Variants in RAD54L2 observed in about 807,000 individuals in gnomAD.
The protein encoded by RAD54L2 is RAD54 like 2.
Under a neutral mutation model 138.4 loss-of-function variants are expected in RAD54L2, and 27 were observed. That is an observed-to-expected ratio of 0.20 (90% confidence interval 0.14 to 0.27). The LOEUF (loss-of-function observed/expected upper bound fraction) is 0.27, where lower values mean the gene tolerates loss of function less well. Ranked by LOEUF, RAD54L2 falls within the 10% of genes least tolerant of loss-of-function variation. The pLI is 1.00. For synonymous variants in RAD54L2, 644 were observed against 723.2 expected (o/e 0.89, Z 1.76); for missense variants, 1,396 against 1,890.2 (o/e 0.74, Z 4.85).
chr3:51,587,470 A>G (rs1479196778), intron 2 of RAD54L2, among the ~76,000 whole-genome samples: 1 of 152,160 alleles, frequency 6.6e-6, no homozygotes, highest in African/African-American at 2.4e-5. Flanking sequence ...AGCATTAACT[A>G]TATGAATTTG....
chr3:51,616,014 A>G (rs1700434512), intron 3 of RAD54L2, among the ~76,000 whole-genome samples: 1 of 152,142 alleles, frequency 6.6e-6, no homozygotes, highest in Non-Finnish European at 1.5e-5. Flanking sequence ...ATTGATGCAT[A>G]ATATACATAT....
At chr3:51,594,302 A>G (rs1699908031) in intron 3 of RAD54L2, among the ~76,000 whole-genome samples, 1 of 151,802 alleles carries the variant, frequency 6.6e-6, no homozygotes, top group African/African-American at 2.4e-5. Flanking sequence ...CAAACTCCTG[A>G]CTTCAGGTGA....
chr3:51,663,295 C>A lies in RAD54L2; in HGVS notation c.4279C>A (p.Pro1427Thr). 2 of 1,613,922 alleles carry A rather than the reference C, an allele frequency of 1.2e-6. No individual in the cohort carries two copies. Among genetic ancestry groups the A allele is most frequent in the Non-Finnish European group, 8.5e-7 (1 of 1,179,882 alleles). ...PGYMSPHAGY[P>T]AGGLLRSQVP... ...CTACATGTCCCCACATGCAGGCTACCCAGCTGGTGGCCTCCTACGGTCCCA... is the reference window on the plus strand; with the variant it reads ...CTACATGTCCCCACATGCAGGCTACACAGCTGGTGGCCTCCTACGGTCCCA... The change falls in exon 23 of 23, where the codon CCA becomes ACA. Residue 1427 changes from proline to threonine, a missense_variant. Physicochemically the swap from Pro to Thr is conservative, Grantham distance 38. Coordinates refer to ENST00000684192, the MANE Select transcript of RAD54L2 (RefSeq NM_015106.4).
Position 51,627,687 on chromosome 3 carries a change from A to G in RAD54L2, c.274A>G (p.Asn92Asp). 6.2e-7 allele frequency: 1 copy of G among 1,613,364 alleles called. No homozygotes were observed. Among genetic ancestry groups the G allele is most frequent in the South Asian group, 1.1e-5 (1 of 90,874 alleles). The change falls in exon 4 of 23, where the codon AAC becomes GAC. Residue 92 changes from asparagine (N) to aspartate (D), a missense_variant. Around this residue, in one of 7 missense-constraint regions of RAD54L2, gnomAD observed 256 missense variants for 344.6 expected, o/e 0.74. Transcript: ENST00000684192. ...GCAGCTTAGGCGCCACCAAGGCAAG[A>G]ACCTAGCCTCCGAGGACCCCAAAAA... ...SEQLRRHQGK[N>D]LASEDPKKKR...
At chr3:51,556,454 C>A (rs1698968323) in intron 2 of RAD54L2, among the ~76,000 whole-genome samples, 1 of 152,054 alleles carries the variant, frequency 6.6e-6, no homozygotes, top group South Asian at 2.1e-4. Flanking sequence ...CCCTGTGTTG[C>A]CCAGGCTGGT....
At chr3:51,613,370 G>C (rs533072742) in intron 3 of RAD54L2, among the ~76,000 whole-genome samples, 1 of 152,310 alleles carries the variant, frequency 6.6e-6, no homozygotes, top group Non-Finnish European at 1.5e-5. Flanking sequence ...TGAGAACATG[G>C]TAATTCTTGC....
chr3:51,661,039 C>T (rs1055138899), intron 22 of RAD54L2, among the ~76,000 whole-genome samples: 6 of 151,980 alleles, frequency 3.9e-5, no homozygotes, highest in South Asian at 4.2e-4. Flanking sequence ...CTGCAACCTC[C>T]GCCTCCCGGG....
intron 3 of RAD54L2, among the ~76,000 whole-genome samples, chr3:51,614,989 TTTAA>T (rs1447751804): frequency 1.2e-4 from 18 of 151,824 alleles, no homozygotes; most frequent in African/African-American, 3.6e-4. Flanking sequence ...TGCATGAGTT[TTTAA>T]TTAATTAATA....
intron 3 of RAD54L2, among the ~76,000 whole-genome samples, chr3:51,611,722 C>T (rs530965075): frequency 1.3e-5 from 2 of 152,140 alleles, no homozygotes; most frequent in South Asian, 2.1e-4. Context: ...CCACGCCCGG[C>T]TAATTTTTAT....
intron 2 of RAD54L2, among the ~76,000 whole-genome samples, chr3:51,564,872 G>A (rs1559618565): frequency 6.6e-6 from 1 of 152,214 alleles, no homozygotes; most frequent in Non-Finnish European, 1.5e-5. Flanking sequence ...GGAGCATGTA[G>A]TGCATGTTAT....
Position 51,664,398 on chromosome 3 carries a change from C to T in RAD54L2, c.*978C>T, listed in dbSNP as rs1037049599. On this transcript the variant is annotated 3_prime_UTR_variant, in exon 23 of 23. Transcript: ENST00000684192. ...GTCGCAGAGTTGTGGCTGGAAAATACATTTTTCACCAGGGTAGAACTGAGC... is the reference window on the plus strand; with the variant it reads ...GTCGCAGAGTTGTGGCTGGAAAATATATTTTTCACCAGGGTAGAACTGAGC... The T allele has an allele frequency of 6.6e-6, 1 of 152,186 alleles. No individual in the cohort carries two copies. The highest frequency in any genetic ancestry group is 6.5e-5 in the Admixed American group (1 of 15,284). 9.4% of individuals were successfully genotyped at this position (152,186 alleles called of 1,614,324 possible).
chr3:51,646,616 A>G, intron 19 of RAD54L2, 135 bp downstream of exon 19: 2 of 973,520 alleles, frequency 2.1e-6, no homozygotes, highest in Non-Finnish European at 3.0e-6. Flanking sequence ...GCTCTAGGGT[A>G]GGTGTGAAAG....
At chr3:51,639,769 C>T (rs1267491614) in intron 13 of RAD54L2, 99 bp downstream of exon 13, 1 of 1,529,378 alleles carries the variant, frequency 6.5e-7, no homozygotes, top group African/African-American at 1.4e-5. Flanking sequence ...GCTAGGGTCT[C>T]TGTATGGAAT....
chr3:51,595,762 C>T (rs1245309356), intron 3 of RAD54L2, among the ~76,000 whole-genome samples: 1 of 151,946 alleles, frequency 6.6e-6, no homozygotes, highest in Non-Finnish European at 1.5e-5. Flanking sequence ...CCCTCTTTTT[C>T]TTTTCTCCTG....
intron 19 of RAD54L2, among the ~76,000 whole-genome samples, chr3:51,648,777 C>T (rs1398033762): frequency 6.6e-6 from 1 of 152,170 alleles, no homozygotes; most frequent in African/African-American, 2.4e-5. Context: ...AGGACATCAA[C>T]ACCAAAACCC....
In RAD54L2 at chr3:51,645,213, C is replaced by T. The variant is rs1436463761; in HGVS notation, c.2640C>T (p.Ser880=). ...AGAAGATCTATGACCGTCAGATTTC[C>T]AAGCAGGGCATGTCAGGTGGGCCAT... ...LEKKIYDRQI[S]KQGMSDRVVD... The change falls in exon 17 of 23, where the codon TCC becomes TCT. Residue 880 remains serine, a synonymous_variant. Coordinates refer to ENST00000684192, the MANE Select transcript of RAD54L2 (RefSeq NM_015106.4). The surrounding 1 kb of genome is among the most constrained non-coding windows in gnomAD (Gnocchi z 6.1). 1 of 1,612,222 alleles carries T rather than the reference C, an allele frequency of 6.2e-7. No homozygotes were observed. Among genetic ancestry groups the T allele is most frequent in the East Asian group, 2.2e-5 (1 of 44,818 alleles).
Position 51,638,472 on chromosome 3 carries a change from G to A in RAD54L2, c.1860+151G>A. 1.2e-6 allele frequency: 1 copy of A among 868,340 alleles called. No homozygotes were observed. Among genetic ancestry groups the A allele is most frequent in the Non-Finnish European group, 1.7e-6 (1 of 574,028 alleles). The allele number at this position is 868,340 out of a possible 1,614,324, so 53.8% of individuals were successfully genotyped here. A position where few individuals can be genotyped will look rare whatever the true frequency, so the allele number is the denominator to read the frequency against. Reference sequence around the variant, plus strand: ...TGCACTGGAGGTTTGGGGGCTCCAAGGAGAGAGGTGATGGTTTTGTACCAC... The same window carrying A: ...TGCACTGGAGGTTTGGGGGCTCCAAAGAGAGAGGTGATGGTTTTGTACCAC... On this transcript the variant is annotated intron_variant, in intron 12 of 22. Coordinates refer to ENST00000684192, the MANE Select transcript of RAD54L2 (RefSeq NM_015106.4). This position sits in a 1 kb window ranked among gnomAD's most constrained non-coding sequence, Gnocchi z 4.3.
intron 3 of RAD54L2, among the ~76,000 whole-genome samples, chr3:51,613,658 G>A (rs187518500): frequency 1.4e-3 from 207 of 151,910 alleles, no homozygotes; most frequent in African/African-American, 4.8e-3. Flanking sequence ...TCCCAGCTAC[G>A]GGAGGCTGAG....
intron 2 of RAD54L2, among the ~76,000 whole-genome samples, chr3:51,565,858 T>G (rs528138557): frequency 3.7e-5 from 5 of 136,752 alleles, no homozygotes; most frequent in Non-Finnish European, 7.8e-5. Context: ...AGACGGAGTC[T>G]TGCTCTGTCA....
Sources: gnomAD v4.1 joint callset for allele counts (sites outside exome capture counted in the v4.1 genomes callset) on GRCh38, gnomAD v4.1.1 for gene constraint, gnomAD v4.1.1 regional missense constraint, Gnocchi (gnomAD v3.1) non-coding constraint, MANE v1.5 for transcripts, NCBI Gene and HGNC (gene_info 2026-07-23, HGNC 2026-07-21) for gene names.